The following HEXA variants were observed in gnomAD, a reference collection of about 807,000 sequenced individuals.
HEXA encodes hexosaminidase subunit alpha.
Under a neutral mutation model 73.3 loss-of-function variants are expected in HEXA, and 54 were observed. The observed-to-expected ratio is 0.74, with a 90% CI of 0.59 to 0.92. The LOEUF (loss-of-function observed/expected upper bound fraction) is 0.92, where lower values mean the gene tolerates loss of function less well. Ranked by LOEUF, HEXA falls within the 40% of genes least tolerant of loss-of-function variation. The pLI, the probability that HEXA is intolerant of heterozygous loss-of-function variation, is 0.00. For missense variants in HEXA, 649 were observed against 653.0 expected, an observed-to-expected ratio of 0.99 and a Z score of 0.07; for synonymous variants, 230 against 246.9, an observed-to-expected ratio of 0.93 and a Z score of 0.64.
chr15:72,364,615 A>G (rs2088892538), intron 1 of HEXA, among the ~76,000 whole-genome samples: 3 of 152,120 alleles, frequency 2.0e-5, no homozygotes, highest in Admixed American at 2.0e-4. Context: ...CACAGGTAAG[A>G]AAAGTTTTGG....
At chr15:72,364,087 T>C (rs1028176931) in intron 1 of HEXA, among the ~76,000 whole-genome samples, 2 of 152,090 alleles carry the variant, frequency 1.3e-5, no homozygotes, top group Non-Finnish European at 1.5e-5. Flanking sequence ...CCAGTCAACA[T>C]GGCGAAACCT....
intron 1 of HEXA, among the ~76,000 whole-genome samples, chr15:72,369,298 G>A (rs991025724): frequency 3.9e-5 from 6 of 152,162 alleles, no homozygotes; most frequent in African/African-American, 1.4e-4. Context: ...TGTAAACCTT[G>A]AGACAGCTCA....
rs1555472543 is a variant in HEXA at position 72,347,668 on chromosome 15, T to C, written c.1146+18A>G. On this transcript the variant is annotated intron_variant, in intron 10 of 13. Transcript: ENST00000268097. ...GAGGCACTGCTGGTGGCTTCTTCTC[T>C]TCTCTGCCCCGGCTCACCTTTACTT... 30 of 1,611,786 alleles carry C rather than the reference T, an allele frequency of 1.9e-5. No homozygotes were observed. The highest frequency in any genetic ancestry group is 2.5e-5 in the Non-Finnish European group (30 of 1,177,838).
chr15:72,346,720 A>C lies in HEXA; in HGVS notation c.1147-10T>G, dbSNP rs1171468697. 6.2e-7 allele frequency: 1 copy of C among 1,613,742 alleles called. No homozygotes were observed. Among genetic ancestry groups the C allele is most frequent in the Non-Finnish European group, 8.5e-7 (1 of 1,179,868 alleles). On this transcript the variant is annotated splice_polypyrimidine_tract_variant and intron_variant, in intron 10 of 13. Transcript: ENST00000268097. Reference sequence around the variant, plus strand: ...TTGTGTCTGGCTGAATCTGTTATAAAAGGTCAAATGGCAGTAAGGACACAA... The same window carrying C: ...TTGTGTCTGGCTGAATCTGTTATAACAGGTCAAATGGCAGTAAGGACACAA...
chr15:72,353,908 A>C lies in HEXA; in HGVS notation c.413-171T>G, dbSNP rs2088737266. 3 of 671,114 alleles carry C rather than the reference A, an allele frequency of 4.5e-6. No individual in the cohort carries two copies. The Admixed American group carries it at 6.8e-5, about 15-fold the overall frequency. 41.6% of individuals were successfully genotyped at this position (671,114 alleles called of 1,614,324 possible). On this transcript the variant is annotated intron_variant, in intron 3 of 13. Coordinates refer to ENST00000268097, the MANE Select transcript of HEXA (RefSeq NM_000520.6). ...GATGAAAAGGGGATATTAGGAAGCCACTATCCATCTTTACTTCTGTATTTC... is the reference window on the plus strand; with the variant it reads ...GATGAAAAGGGGATATTAGGAAGCCCCTATCCATCTTTACTTCTGTATTTC...
intron 1 of HEXA, chr15:72,357,565 T>C (rs2088801607): frequency 2.0e-5 from 3 of 152,284 alleles, no homozygotes; most frequent in Non-Finnish European, 4.4e-5. Flanking sequence ...CTTAACTTAA[T>C]GAACCCCTCT....
chr15:72,365,228 C>T (rs909483406), intron 1 of HEXA, among the ~76,000 whole-genome samples: 5 of 152,036 alleles, frequency 3.3e-5, no homozygotes, highest in African/African-American at 9.7e-5. Flanking sequence ...TAGCTGGGAC[C>T]ACAGGCGCAC....
At chr15:72,368,302 G>A (rs2088943629) in intron 1 of HEXA, among the ~76,000 whole-genome samples, 1 of 152,168 alleles carries the variant, frequency 6.6e-6, no homozygotes, top group African/African-American at 2.4e-5. Flanking sequence ...ATTGCTAACT[G>A]GACTGACAAA....
rs1567299356 is a variant in HEXA at position 72,353,122 on chromosome 15, C to A, written c.516G>T (p.Leu172Phe). The A allele has an allele frequency of 6.2e-7, 1 of 1,613,862 alleles. No individual in the cohort carries two copies. Among genetic ancestry groups the A allele is most frequent in the Non-Finnish European group, 8.5e-7 (1 of 1,179,774 alleles). The change falls in exon 5 of 14, where the codon TTG (leucine) becomes TTT (phenylalanine). Residue 172 changes from leucine to phenylalanine, a missense_variant. By Grantham distance (22) the Leu-to-Phe change is conservative. Transcript: ENST00000268097. ...GGTAATGGCGAGATGTATCCAACAG[C>A]AAGCCCCGGTGAGGAAAGCGGGGAA... is the stretch of plus-strand genomic sequence containing the variant. Reference protein sequence around the residue: ...EDFPRFPHRGLLLDTSRHYLP... With the variant: ...EDFPRFPHRGFLLDTSRHYLP...
At chr15:72,368,329 T>C (rs4777504) in intron 1 of HEXA, among the ~76,000 whole-genome samples, 121,525 of 152,188 alleles carry the variant, frequency 0.8, 52,548 homozygotes, top group Non-Finnish European at 0.95. Context: ...TATGAGTATA[T>C]TACAAGACTG....
intron 7 of HEXA, 139 bp downstream of exon 7, chr15:72,350,379 T>C: frequency 1.1e-6 from 1 of 904,458 alleles, no homozygotes; most frequent in South Asian, 1.3e-5. Context: ...CCTATCTAAA[T>C]TCCCAGGTGG....
Position 72,342,018 on chromosome 15 carries a change from C to T in HEXA, c.*2059G>A, listed in dbSNP as rs2088558999. On this transcript the variant is annotated 3_prime_UTR_variant, in exon 14 of 14. Transcript: ENST00000268097. ...CTCAGTGTCTGCTATTTTTACTTAACATTATCCCAAGCAATAGTAACATGA... is the reference window on the plus strand; with the variant it reads ...CTCAGTGTCTGCTATTTTTACTTAATATTATCCCAAGCAATAGTAACATGA... 1 of 152,162 alleles carries T rather than the reference C, an allele frequency of 6.6e-6. No individual in the cohort carries two copies. Among genetic ancestry groups the T allele is most frequent in the South Asian group, 2.1e-4 (1 of 4,826 alleles). The allele number at this position is 152,162 out of a possible 1,614,324, so 9.4% of individuals were successfully genotyped here.
Position 72,375,774 on chromosome 15 carries a change from G to C in HEXA, c.199C>G (p.Arg67Gly). ...GCSVLDEAFQ[R>G]YRDLLFGSGS... ...GAACCGAAAAGCAGGTCACGATAGC[G>C]CTGGAAGGCCTCGTCGAGGACTGAG... The change falls in exon 1 of 14, where the codon CGC (arginine) becomes GGC (glycine). Residue 67 changes from arginine to glycine, a missense_variant. Physicochemically the swap from Arg to Gly is moderately radical, Grantham distance 125. Transcript: ENST00000268097. The C allele has an allele frequency of 6.2e-7, 1 of 1,614,236 alleles. No homozygotes were observed. Among genetic ancestry groups the C allele is most frequent in the South Asian group, 1.1e-5 (1 of 91,088 alleles).
chr15:72,356,208 C>T (rs2088776288), intron 2 of HEXA, among the ~76,000 whole-genome samples: 1 of 152,072 alleles, frequency 6.6e-6, no homozygotes, highest in South Asian at 2.1e-4. Flanking sequence ...CCCTGCTTTC[C>T]CCAGTGTAGG....
chr15:72,374,328 G>A (rs1452675753), intron 1 of HEXA, among the ~76,000 whole-genome samples: 1 of 152,094 alleles, frequency 6.6e-6, no homozygotes, highest in African/African-American at 2.4e-5. Flanking sequence ...AGGATTCAGA[G>A]GAAAATGTGA....
intron 10 of HEXA, 140 bp from the exon 11 acceptor site, chr15:72,346,850 C>T (rs2088621922): frequency 1.2e-6 from 1 of 822,558 alleles, no homozygotes; most frequent in African/African-American, 1.7e-5. Flanking sequence ...TGACTCCTGA[C>T]CATTGAGCTC....
In HEXA at chr15:72,355,702, A is replaced by G. The variant is rs2088768503; in HGVS notation, c.347-78T>C. 27 of 991,732 alleles carry G rather than the reference A, an allele frequency of 2.7e-5. 1 individual carries two copies. The South Asian group carries it at 3.5e-4, about 13-fold the overall frequency. The allele number at this position is 991,732 out of a possible 1,614,324, so 61.4% of individuals were successfully genotyped here. On this transcript the variant is annotated intron_variant, in intron 2 of 13. Coordinates refer to ENST00000268097, the MANE Select transcript of HEXA (RefSeq NM_000520.6). ...ATTATAGACCAGATATTCTATATAA[A>G]TCACTGGACTAAAAAAAAAAAACAG...
At chr15:72,348,661 T>G (rs1159677322) in intron 8 of HEXA, among the ~76,000 whole-genome samples, 4 of 152,182 alleles carry the variant, frequency 2.6e-5, no homozygotes, top group African/African-American at 4.8e-5. Flanking sequence ...TCAGCCTCTT[T>G]TGAGCTTACT....
intron 5 of HEXA, 150 bp from the exon 6 acceptor site, chr15:72,351,384 C>A: frequency 1.4e-6 from 1 of 695,006 alleles, no homozygotes; most frequent in Non-Finnish European, 2.7e-6. Context: ...TGGGGTCTAT[C>A]AAACCTTCCC....
Sources: allele counts gnomAD v4.1 joint callset (sites outside exome capture counted in the v4.1 genomes callset), GRCh38; gene constraint gnomAD v4.1.1; transcripts MANE v1.5; gene names NCBI Gene and HGNC (gene_info 2026-07-23, HGNC 2026-07-21).